ASAP1: variants seen among roughly 807,000 people sequenced by gnomAD.
ASAP1 encodes the protein ArfGAP with SH3 domain, ankyrin repeat and PH domain 1, also known as arf-GAP with SH3 domain, ANK repeat and PH domain-containing protein 1.
In ASAP1, 43 loss-of-function variants were observed where a neutral mutation model predicts 145.2. That is an observed-to-expected ratio of 0.30 (90% CI 0.23 to 0.38). ASAP1 has a LOEUF of 0.38. ASAP1 is among the 10% of genes least tolerant of loss of function. The pLI, the probability that ASAP1 is intolerant of heterozygous loss-of-function variation, is 1.00. For missense variants in ASAP1, 1,018 were observed against 1,355.3 expected, an observed-to-expected ratio of 0.75 and a Z score of 3.91; for synonymous variants, 546 against 515.5, an observed-to-expected ratio of 1.06 and a Z score of -0.80.
chr8:130,160,421 A>G (rs1387590197), intron 11 of ASAP1, among the ~76,000 whole-genome samples: 2 of 152,212 alleles, frequency 1.3e-5, no homozygotes, highest in East Asian at 1.9e-4. Flanking sequence ...CCCCCAAATA[A>G]AAGGGGAACC....
chr8:130,191,650 G>A (rs566623351), intron 5 of ASAP1, among the ~76,000 whole-genome samples: 1 of 152,252 alleles, frequency 6.6e-6, no homozygotes, highest in Admixed American at 6.5e-5. Context: ...ACTTGAAAGG[G>A]CTTTGTGCAT....
intron 24 of ASAP1, among the ~76,000 whole-genome samples, chr8:130,093,686 A>AAAAAAAAAAAAAAAAAAC (rs767063471): frequency 7.6e-6 from 1 of 131,984 alleles, no homozygotes; most frequent in Non-Finnish European, 1.5e-5. Flanking sequence ...AAAAAAAAAA[A>AAAAAAAAAAAAAAAAAAC]AAAGAAAGCT....
intron 3 of ASAP1, 57 bp downstream of exon 3, chr8:130,357,960 T>G (rs1370305420): frequency 9.1e-6 from 14 of 1,546,700 alleles, no homozygotes; most frequent in Non-Finnish European, 1.2e-5. Flanking sequence ...GAGGAGATCC[T>G]CCAGCTGCGC....
chr8:130,121,656 T>C (rs1266022001), intron 18 of ASAP1, among the ~76,000 whole-genome samples: 1 of 151,826 alleles, frequency 6.6e-6, no homozygotes, highest in Non-Finnish European at 1.5e-5. Flanking sequence ...TAGTGGCGCA[T>C]GCCTGTAATC....
At chr8:130,058,398 T>G (rs1446342823) in intron 28 of ASAP1, among the ~76,000 whole-genome samples, 1 of 152,218 alleles carries the variant, frequency 6.6e-6, no homozygotes, top group Non-Finnish European at 1.5e-5. Flanking sequence ...AAGCACTCTG[T>G]ACGCACCCCC....
At position 130,128,020 on chromosome 8, in the gene ASAP1, C is replaced by T. The variant is rs2097577643; in HGVS notation, c.1288G>A (p.Gly430Arg). ...TMAFRGEQSA[G>R]ENSLEDLTKA... is the part of the protein sequence containing the mutation. The stretch of plus-strand genomic sequence containing the variant: ...GTCAGGTCTTCCAGGCTGTTCTCTC[C>T]CGCACTCTGCTCTCCACGGAAGGCC... The change falls in exon 16 of 30, where the codon GGA becomes AGA. Residue 430 changes from glycine (G) to arginine (R), a missense_variant. Physicochemically the swap from Gly to Arg is moderately radical, Grantham distance 125 (BLOSUM62 -2). Around this residue, in one of 9 missense-constraint regions of ASAP1, gnomAD observed 153 missense variants for 221.6 expected, o/e 0.69. Transcript: ENST00000518721. 6.2e-7 allele frequency: 1 copy of T among 1,613,896 alleles called. No individual in the cohort carries two copies. The highest frequency in any genetic ancestry group is 8.5e-7 in the Non-Finnish European group (1 of 1,179,998).
chr8:130,154,350 C>T lies in ASAP1; in HGVS notation c.1011-1545G>A, dbSNP rs141242122. On this transcript the variant is annotated intron_variant, in intron 12 of 29. Coordinates refer to ENST00000518721, the MANE Select transcript of ASAP1 (RefSeq NM_018482.4). Reference sequence around the variant, plus strand: ...GAAGGATAAAAAAAGCCAAAGAGAACGAATTAAAACTTGGAAGAGTTTTGT... The same window carrying T: ...GAAGGATAAAAAAAGCCAAAGAGAATGAATTAAAACTTGGAAGAGTTTTGT... Among the ~76,000 whole-genome samples the T allele has an allele frequency of 2.2e-4, 34 of 152,246 alleles. No homozygotes were observed. In the East Asian group the frequency reaches 6.2e-3, roughly 28 times the overall value.
At position 130,358,148 on chromosome 8, in the gene ASAP1, C is replaced by A; in HGVS notation, c.60-5G>T. On this transcript the variant is annotated splice_polypyrimidine_tract_variant and splice_region_variant and intron_variant, in intron 2 of 29. Coordinates refer to ENST00000518721, the MANE Select transcript of ASAP1 (RefSeq NM_018482.4). This position sits in a 1 kb window ranked among gnomAD's most constrained non-coding sequence, Gnocchi z 4.1. ...ACAGAGATCTGGTCCGGCATCCTGCCGGGAGGGACGAGACACAAGCGGGGG... is the reference window on the plus strand; with the variant it reads ...ACAGAGATCTGGTCCGGCATCCTGCAGGGAGGGACGAGACACAAGCGGGGG... The A allele has an allele frequency of 1.3e-6, 2 of 1,599,690 alleles. No homozygotes were observed. Among genetic ancestry groups the A allele is most frequent in the South Asian group, 1.1e-5 (1 of 90,082 alleles).
chr8:130,228,539 A>G (rs940838284), intron 4 of ASAP1, among the ~76,000 whole-genome samples: 4 of 151,978 alleles, frequency 2.6e-5, no homozygotes, highest in African/African-American at 9.7e-5. Context: ...CGTCCCTACA[A>G]AAACCACAAA....
chr8:130,319,641 C>T (rs1029513959), intron 3 of ASAP1, among the ~76,000 whole-genome samples: 9 of 152,220 alleles, frequency 5.9e-5, no homozygotes, highest in African/African-American at 1.9e-4. Context: ...GCCCTAGACC[C>T]AGCAACTCTA....
chr8:130,361,523 T>C (rs919636736), intron 2 of ASAP1: 4 of 668,102 alleles, frequency 6.0e-6, no homozygotes, highest in Non-Finnish European at 1.1e-5. Flanking sequence ...CAGTTTCATT[T>C]GAAGATTATG....
chr8:130,159,596 A>C (rs538634404), intron 12 of ASAP1, among the ~76,000 whole-genome samples: 2 of 151,376 alleles, frequency 1.3e-5, no homozygotes, highest in South Asian at 4.2e-4. Context: ...GTATGAGGTC[A>C]GCACTTGCCT....
chr8:130,344,330 A>G (rs1244621894), intron 3 of ASAP1, among the ~76,000 whole-genome samples: 4 of 152,198 alleles, frequency 2.6e-5, no homozygotes, highest in Non-Finnish European at 5.9e-5. Flanking sequence ...ATATTTAATG[A>G]CACCGAGGAA....
At chr8:130,165,719 C>T (rs995727948) in intron 11 of ASAP1, among the ~76,000 whole-genome samples, 9 of 152,180 alleles carry the variant, frequency 5.9e-5, no homozygotes, top group African/African-American at 2.2e-4. Flanking sequence ...TGTTACAGTG[C>T]TATAGACTTC....
intron 3 of ASAP1, among the ~76,000 whole-genome samples, chr8:130,338,089 T>A (rs1185014049): frequency 6.6e-6 from 1 of 152,216 alleles, no homozygotes; most frequent in African/African-American, 2.4e-5. Context: ...CACTGGGGGA[T>A]AAGACGACCT....
At chr8:130,405,620 C>A (rs1828992650) in intron 1 of ASAP1, among the ~76,000 whole-genome samples, 1 of 152,160 alleles carries the variant, frequency 6.6e-6, no homozygotes, top group South Asian at 2.1e-4. Context: ...GCCACTAATC[C>A]CAGCCTGGCC....
intron 1 of ASAP1, among the ~76,000 whole-genome samples, chr8:130,414,708 T>A (rs544157911): frequency 6.6e-6 from 1 of 152,206 alleles, no homozygotes; most frequent in African/African-American, 2.4e-5. Flanking sequence ...TTTCTTGATA[T>A]ACGTGTCTTA....
chr8:130,177,096 G>A (rs184845123), intron 9 of ASAP1, among the ~76,000 whole-genome samples: 11 of 152,292 alleles, frequency 7.2e-5, no homozygotes, highest in East Asian at 5.8e-4. Context: ...ACTCCTGAGC[G>A]GAAAAGCCTT....
At chr8:130,386,426 G>C (rs1055626435) in intron 2 of ASAP1, among the ~76,000 whole-genome samples, 1 of 152,122 alleles carries the variant, frequency 6.6e-6, no homozygotes, top group Non-Finnish European at 1.5e-5. Context: ...GCCTGCCCCC[G>C]CTCCCACACC....
Sources: gnomAD v4.1 joint callset for allele counts (sites outside exome capture counted in the v4.1 genomes callset) on GRCh38, gnomAD v4.1.1 for gene constraint, gnomAD v4.1.1 regional missense constraint, Gnocchi (gnomAD v3.1) non-coding constraint, MANE v1.5 for transcripts, NCBI Gene and HGNC (gene_info 2026-07-23, HGNC 2026-07-21) for gene names.